Variants in PRKCB observed in about 807,000 individuals in gnomAD.
PRKCB encodes the protein protein kinase C beta, also known as protein kinase C beta type.
In PRKCB, 13 loss-of-function variants were observed where a neutral mutation model predicts 81.5. The ratio of observed to expected loss-of-function variants is 0.16; its 90% CI spans 0.10 to 0.25. The LOEUF (loss-of-function observed/expected upper bound fraction) is 0.25. Ranked by LOEUF, PRKCB falls within the 10% of genes least tolerant of loss-of-function variation. The pLI is 1.00. For synonymous variants in PRKCB, 335 were observed against 321.4 expected (o/e 1.04, Z -0.45); for missense variants, 509 against 875.7 (o/e 0.58, Z 5.29).
chr16:23,948,203 C>G (rs1197193572), intron 2 of PRKCB, among the ~76,000 whole-genome samples: 26 of 152,064 alleles, frequency 1.7e-4, no homozygotes, highest in African/African-American at 2.4e-5. Context: ...TGCAGATTGC[C>G]TGGTCTGGAC....
intron 2 of PRKCB, among the ~76,000 whole-genome samples, chr16:23,873,169 A>ACAC (rs1567297339): frequency 2.8e-5 from 3 of 108,462 alleles, no homozygotes; most frequent in East Asian, 2.5e-4. Flanking sequence ...CTCTACTAAA[A>ACAC]ACACACACAC....
At chr16:23,944,300 C>T (rs541134237) in intron 2 of PRKCB, among the ~76,000 whole-genome samples, 3 of 152,286 alleles carry the variant, frequency 2.0e-5, no homozygotes, top group African/African-American at 7.2e-5. Flanking sequence ...TCCATGATGT[C>T]ATCTTTGAGC....
intron 7 of PRKCB, among the ~76,000 whole-genome samples, chr16:24,095,650 T>A (rs1244321277): frequency 1.3e-5 from 2 of 152,148 alleles, no homozygotes; most frequent in Admixed American, 1.3e-4. Flanking sequence ...AACTTGGCAA[T>A]ATTTCATTAG....
intron 2 of PRKCB, among the ~76,000 whole-genome samples, chr16:23,867,050 TTC>T (rs1356254019): frequency 1.8e-5 from 1 of 56,142 alleles, no homozygotes. Flanking sequence ...CCTTCCTTCC[TTC>T]TCTCTCTCTC....
At chr16:23,950,991 C>T (rs781753223) in intron 2 of PRKCB, among the ~76,000 whole-genome samples, 3 of 152,200 alleles carry the variant, frequency 2.0e-5, no homozygotes, top group Non-Finnish European at 4.4e-5. Flanking sequence ...CTGGCTCCCA[C>T]ACCTGTTATC....
chr16:24,088,841 A>G (rs1425923855), intron 5 of PRKCB, among the ~76,000 whole-genome samples: 2 of 152,190 alleles, frequency 1.3e-5, no homozygotes, highest in African/African-American at 2.4e-5. Flanking sequence ...AGCTTATGAT[A>G]GAAGATCTTT....
At chr16:24,082,614 C>T (rs7204017) in intron 5 of PRKCB, among the ~76,000 whole-genome samples, 5,965 of 152,164 alleles carry the variant, frequency 0.039, 303 homozygotes, top group African/African-American at 0.12. Flanking sequence ...GGAAAAAGGA[C>T]GGTCTTTCAA....
At chr16:24,188,974 T>C (rs964061476) in intron 15 of PRKCB, among the ~76,000 whole-genome samples, 2 of 152,206 alleles carry the variant, frequency 1.3e-5, no homozygotes, top group African/African-American at 4.8e-5. Flanking sequence ...GAAGCCGTTA[T>C]TGATGTTATT....
chr16:23,942,132 A>ATCCCTTTTGGTCTCCAGATGCCACCAGC (rs1964147361), intron 2 of PRKCB, among the ~76,000 whole-genome samples: 1 of 152,232 alleles, frequency 6.6e-6, no homozygotes, highest in South Asian at 2.1e-4. Context: ...TGGAAAAATA[A>ATCCCTTTTGGTCTCCAGATGCCACCAGC]TCCCTTTTGG....
In PRKCB at chr16:24,219,903, CT is replaced by C; in HGVS notation, c.*5089del. On this transcript the variant is annotated 3_prime_UTR_variant, in exon 17 of 17. Coordinates refer to ENST00000643927, the MANE Select transcript of PRKCB (RefSeq NM_002738.7). ...ATCAGCCACCCAATGACTGGCGTAT[CT>C]TGGTCCTGTGTCTTTCTTCTTACGC... The C allele has an allele frequency of 6.3e-7, 1 of 1,586,232 alleles. No individual in the cohort carries two copies. The highest frequency in any genetic ancestry group is 8.6e-7 in the Non-Finnish European group (1 of 1,164,440).
At chr16:24,018,150 C>A (rs1379334661) in intron 3 of PRKCB, among the ~76,000 whole-genome samples, 1 of 152,036 alleles carries the variant, frequency 6.6e-6, no homozygotes, top group Non-Finnish European at 1.5e-5. Context: ...CCGCCCACCT[C>A]GGCCTCCCAA....
chr16:24,134,042 C>T (rs1391272937), intron 9 of PRKCB, among the ~76,000 whole-genome samples: 1 of 151,980 alleles, frequency 6.6e-6, no homozygotes, highest in African/African-American at 2.4e-5. Flanking sequence ...ACTACAGGCA[C>T]ATGCCACCAC....
rs3729904 is a variant in PRKCB, at chr16:24,191,137, C to T, written c.1770C>T (p.Gly590=). The change falls in exon 16 of 17, where the codon GGC becomes GGT. Residue 590 remains glycine, a synonymous_variant. Transcript: ENST00000643927. ...AACGTCTGGGTTGTGGACCTGAAGG[C>T]GAACGTGATATCAAAGAGCATGCAT... ...PGKRLGCGPE[G]ERDIKEHAFF... is the part of the protein sequence containing the mutation. 395,861 of 1,613,202 alleles carry T rather than the reference C, an allele frequency of 0.25. 50,312 individuals are homozygous for T. The highest frequency in any genetic ancestry group is 0.34 in the South Asian group (30,487 of 90,994).
chr16:24,113,077 T>C lies in PRKCB; in HGVS notation c.918+8T>C. Reference sequence around the variant, plus strand: ...CTGCGGCAGAAATTTGAGGTGAGGTTTCTTTTCTTTTTCTCTTCTTTCTTT... The same window carrying C: ...CTGCGGCAGAAATTTGAGGTGAGGTCTCTTTTCTTTTTCTCTTCTTTCTTT... On this transcript the variant is annotated splice_region_variant and intron_variant, in intron 8 of 16. Coordinates refer to ENST00000643927, the MANE Select transcript of PRKCB (RefSeq NM_002738.7). The C allele has an allele frequency of 3.8e-6, 6 of 1,599,740 alleles. No individual in the cohort carries two copies. Among genetic ancestry groups the C allele is most frequent in the Non-Finnish European group, 4.3e-6 (5 of 1,171,272 alleles).
At chr16:23,927,692 T>C (rs1474080019) in intron 2 of PRKCB, among the ~76,000 whole-genome samples, 1 of 151,862 alleles carries the variant, frequency 6.6e-6, no homozygotes, top group Non-Finnish European at 1.5e-5. Context: ...GGGGGTGTTA[T>C]TGAGAGAACT....
intron 10 of PRKCB, among the ~76,000 whole-genome samples, chr16:24,161,653 G>T (rs1967259139): frequency 6.6e-6 from 1 of 152,176 alleles, no homozygotes; most frequent in Non-Finnish European, 1.5e-5. Flanking sequence ...TAATAAGCCT[G>T]TACTCCACAG....
chr16:23,885,758 G>A (rs1290036404), intron 2 of PRKCB, among the ~76,000 whole-genome samples: 1 of 152,198 alleles, frequency 6.6e-6, no homozygotes, highest in South Asian at 2.1e-4. Flanking sequence ...GAAAGCCACT[G>A]TGTGCTGGAA....
intron 6 of PRKCB, among the ~76,000 whole-genome samples, 164 bp downstream of exon 6, chr16:24,093,111 C>T (rs1966397149): frequency 6.6e-6 from 1 of 152,140 alleles, no homozygotes; most frequent in African/African-American, 2.4e-5. Context: ...CCCTTCTTTT[C>T]CATCTGCAAT....
chr16:23,930,752 G>T (rs1963961034), intron 2 of PRKCB, among the ~76,000 whole-genome samples: 1 of 152,068 alleles, frequency 6.6e-6, no homozygotes, highest in Non-Finnish European at 1.5e-5. Flanking sequence ...GGTTGTTGTG[G>T]ATTAATACAT....
Sources: allele counts gnomAD v4.1 joint callset (sites outside exome capture counted in the v4.1 genomes callset), GRCh38; gene constraint gnomAD v4.1.1; transcripts MANE v1.5; gene names NCBI Gene and HGNC (gene_info 2026-07-23, HGNC 2026-07-21).